Variants in DPH6 observed in about 807,000 individuals in gnomAD.
The protein encoded by DPH6 is diphthamine biosynthesis 6.
DPH6 carries 33 observed loss-of-function variants against 38.2 expected under a neutral mutation model. That is an observed-to-expected ratio of 0.86 (90% confidence interval 0.65 to 1.15). DPH6 has a LOEUF of 1.15. DPH6 is among the 50% of genes most tolerant of loss of function. The pLI is 0.00. For synonymous variants in DPH6, 108 were observed against 103.0 expected (o/e 1.05, Z -0.30); for missense variants, 325 against 320.0 (o/e 1.02, Z -0.12).
chr15:35,187,232 T>A, the DPH6 span, among the ~76,000 whole-genome samples: 1 of 152,210 alleles, frequency 6.6e-6, no homozygotes, highest in Non-Finnish European at 1.5e-5. Flanking sequence ...AACTGACAAG[T>A]GGGCATGATT....
chr15:35,153,986 C>T, the DPH6 span, among the ~76,000 whole-genome samples: 1 of 152,080 alleles, frequency 6.6e-6, no homozygotes, highest in Admixed American at 6.6e-5. Flanking sequence ...TTGAGTAGTT[C>T]ATACTTGAGT....
intron 3 of DPH6, among the ~76,000 whole-genome samples, chr15:35,236,340 A>G (rs747158532): frequency 6.6e-6 from 1 of 152,238 alleles, no homozygotes. Flanking sequence ...ATCACATGTT[A>G]GAAAACCTCA....
intron 3 of DPH6, chr15:35,237,318 C>G: frequency 8.2e-6 from 13 of 1,586,012 alleles, no homozygotes; most frequent in Non-Finnish European, 1.1e-5. Context: ...CTGCAGAGAA[C>G]GCGAGAGATG....
chr15:35,251,570 C>T (rs1328713298), intron 3 of DPH6, among the ~76,000 whole-genome samples: 2 of 152,228 alleles, frequency 1.3e-5, no homozygotes, highest in African/African-American at 2.4e-5. Flanking sequence ...ATCCACCACA[C>T]CTGTGTACCA....
intron 3 of DPH6, among the ~76,000 whole-genome samples, chr15:35,301,667 A>G (rs183551180): frequency 6.6e-6 from 1 of 152,290 alleles, no homozygotes; most frequent in East Asian, 1.9e-4. Context: ...AAATAACTTC[A>G]AAAACTAGAA....
intron 7 of DPH6, among the ~76,000 whole-genome samples, chr15:35,381,521 C>G (rs1458286550): frequency 6.6e-6 from 1 of 152,146 alleles, no homozygotes; most frequent in Non-Finnish European, 1.5e-5. Flanking sequence ...ACAGGCAATT[C>G]ACACTTCATG....
intron 3 of DPH6, among the ~76,000 whole-genome samples, chr15:35,526,457 G>A (rs531229989): frequency 7.9e-5 from 12 of 152,120 alleles, no homozygotes; most frequent in African/African-American, 2.7e-4. Flanking sequence ...ATTGCTCATC[G>A]AGCACCCACT....
At chr15:35,477,576 T>C (rs2054277895) in intron 3 of DPH6, among the ~76,000 whole-genome samples, 2 of 151,828 alleles carry the variant, frequency 1.3e-5, no homozygotes, top group African/African-American at 4.8e-5. Context: ...CAGTGTAATA[T>C]TTTAAAAACC....
chr15:35,469,684 C>CT (rs1289875710), intron 3 of DPH6, among the ~76,000 whole-genome samples: 1 of 152,044 alleles, frequency 6.6e-6, no homozygotes, highest in Non-Finnish European at 1.5e-5. Flanking sequence ...TCTTATGTGC[C>CT]TTTAGGTCAT....
At chr15:35,157,664 T>C in the DPH6 span, among the ~76,000 whole-genome samples, 18 of 152,170 alleles carry the variant, frequency 1.2e-4, no homozygotes, top group East Asian at 3.5e-3. Context: ...GCATGTACAA[T>C]CAAGTTAATA....
At chr15:35,500,274 T>A (rs1178400570) in intron 3 of DPH6, among the ~76,000 whole-genome samples, 1 of 152,318 alleles carries the variant, frequency 6.6e-6, no homozygotes, top group African/African-American at 2.4e-5. Context: ...TTGAACCTTA[T>A]ACTTTTCACA....
intron 3 of DPH6, among the ~76,000 whole-genome samples, chr15:35,287,142 A>G (rs1026367836): frequency 2.6e-5 from 4 of 152,196 alleles, no homozygotes; most frequent in African/African-American, 9.6e-5. Flanking sequence ...CTCAGTAAAC[A>G]GGCTTTGTTT....
chr15:35,268,204 TA>T (rs1346048119), intron 3 of DPH6, among the ~76,000 whole-genome samples: 4 of 148,462 alleles, frequency 2.7e-5, no homozygotes, highest in Admixed American at 1.3e-4. Context: ...AATAAATAAA[TA>T]AATAAATAAA....
intron 6 of DPH6, among the ~76,000 whole-genome samples, chr15:35,402,036 T>G (rs2053227217): frequency 6.6e-6 from 1 of 152,210 alleles, no homozygotes; most frequent in South Asian, 2.1e-4. Context: ...ATGTAGATGT[T>G]TTTTTGTGCC....
chr15:35,177,476 C>T, the DPH6 span, among the ~76,000 whole-genome samples: 4 of 149,606 alleles, frequency 2.7e-5, no homozygotes, highest in African/African-American at 7.4e-5. Context: ...GTCCCAGCTA[C>T]TGAGGAGGCT....
intron 3 of DPH6, among the ~76,000 whole-genome samples, chr15:35,477,661 T>C (rs1209826268): frequency 6.6e-6 from 1 of 151,908 alleles, no homozygotes; most frequent in African/African-American, 2.4e-5. Context: ...CTTCTAAACA[T>C]GCATAGTGAT....
intron 6 of DPH6, chr15:35,401,590 G>A (rs749779719): frequency 1.3e-6 from 1 of 767,216 alleles, no homozygotes; most frequent in Non-Finnish European, 2.4e-6. Flanking sequence ...AAGCTACAAT[G>A]ATTTTGGCAA....
At chr15:35,448,093 C>G (rs2053880489) in intron 5 of DPH6, among the ~76,000 whole-genome samples, 1 of 151,808 alleles carries the variant, frequency 6.6e-6, no homozygotes, top group Admixed American at 6.6e-5. Flanking sequence ...TTTATCATTT[C>G]TCTCTCTTTT....
chr15:35,533,058 G>A (rs1303047746), intron 3 of DPH6, among the ~76,000 whole-genome samples: 2 of 151,180 alleles, frequency 1.3e-5, no homozygotes, highest in African/African-American at 4.9e-5. Flanking sequence ...AGTGAGCTGA[G>A]ATCGTGCCAT....
Sources: gnomAD v4.1 joint callset for allele counts (sites outside exome capture counted in the v4.1 genomes callset) on GRCh38, gnomAD v4.1.1 for gene constraint, MANE v1.5 for transcripts, NCBI Gene and HGNC (gene_info 2026-07-23, HGNC 2026-07-21) for gene names.